The following CLCN3 variants were observed in gnomAD, a reference collection of about 807,000 sequenced individuals.
CLCN3 encodes the protein Cl-/H+ antiporter 3, also known as H(+)/Cl(-) exchange transporter 3.
CLCN3 carries 16 observed loss-of-function variants against 83.4 expected under a neutral mutation model. The observed-to-expected ratio is 0.19, with a 90% CI of 0.13 to 0.29. The LOEUF (loss-of-function observed/expected upper bound fraction) is 0.29, where lower values mean the gene tolerates loss of function less well. Among genes scored for constraint, CLCN3 ranks in the 10% least tolerant of loss-of-function variants. The pLI, the probability that CLCN3 is intolerant of heterozygous loss-of-function variation, is 1.00. For synonymous variants in CLCN3, 322 were observed against 346.2 expected, an observed-to-expected ratio of 0.93 and a Z score of 0.78; for missense variants, 544 against 1,006.0, an observed-to-expected ratio of 0.54 and a Z score of 6.21.
chr4:169,676,613 G>A (rs1254861884), intron 2 of CLCN3, among the ~76,000 whole-genome samples: 1 of 149,608 alleles, frequency 6.7e-6, no homozygotes, highest in Admixed American at 6.7e-5. Flanking sequence ...AGCCTACTGA[G>A]TAGCTGGGAC....
rs1367110004 is a variant in CLCN3 at position 169,720,140 on chromosome 4, C to T, written c.*143C>T. 2 of 1,273,930 alleles carry T rather than the reference C, an allele frequency of 1.6e-6. No homozygotes were observed. Among genetic ancestry groups the T allele is most frequent in the East Asian group, 2.4e-5 (1 of 41,822 alleles). 78.9% of individuals were successfully genotyped at this position (1,273,930 alleles called of 1,614,324 possible). A position where few individuals can be genotyped will look rare whatever the true frequency, so the allele number is the denominator to read the frequency against. ...AAATATAAAAGCCGGGTTTTTGCAA[C>T]ATGGTTTGCAAATAATGCTGGTGGA... On this transcript the variant is annotated 3_prime_UTR_variant, in exon 13 of 13. Coordinates refer to ENST00000513761, the MANE Select transcript of CLCN3 (RefSeq NM_001829.4).
chr4:169,696,900 A>G (rs1207687158), intron 8 of CLCN3, among the ~76,000 whole-genome samples: 3 of 151,762 alleles, frequency 2.0e-5, no homozygotes, highest in South Asian at 4.1e-4. Context: ...TTTAACTACC[A>G]TGATTGAATT....
chr4:169,663,309 G>GTTT (rs201008427), intron 2 of CLCN3, among the ~76,000 whole-genome samples: 2 of 39,870 alleles, frequency 5.0e-5, no homozygotes, highest in African/African-American at 1.1e-4. Flanking sequence ...TCCTAAGTGG[G>GTTT]TTTTTTTGTT....
chr4:169,641,480 T>G (rs1730411427), intron 2 of CLCN3, among the ~76,000 whole-genome samples: 4 of 152,194 alleles, frequency 2.6e-5, no homozygotes, highest in Non-Finnish European at 5.9e-5. Flanking sequence ...GGTCAAGGTG[T>G]TGTGATCCTA....
At chr4:169,706,756 C>G in intron 10 of CLCN3, 112 bp from the exon 11 acceptor site, 2 of 808,238 alleles carry the variant, frequency 2.5e-6, no homozygotes, top group Non-Finnish European at 4.0e-6. Flanking sequence ...ATGCTTTTCC[C>G]TGACTGAGTT....
At chr4:169,650,883 G>T (rs1730712375) in intron 2 of CLCN3, among the ~76,000 whole-genome samples, 1 of 152,118 alleles carries the variant, frequency 6.6e-6, no homozygotes, top group African/African-American at 2.4e-5. Flanking sequence ...GCCCAAATTT[G>T]TGCGTTTATA....
chr4:169,713,421 A>G (rs1032392257), intron 12 of CLCN3, 126 bp downstream of exon 12: 2 of 664,308 alleles, frequency 3.0e-6, no homozygotes, highest in South Asian at 3.7e-5. Flanking sequence ...CCTATGGTAT[A>G]GTCACAAATA....
chr4:169,686,061 A>G (rs1453249131), intron 3 of CLCN3, among the ~76,000 whole-genome samples: 1 of 152,096 alleles, frequency 6.6e-6, no homozygotes, highest in Non-Finnish European at 1.5e-5. Flanking sequence ...TTCTCAGCAA[A>G]CTGTCGCAAG....
chr4:169,699,299 T>G (rs1013660090), intron 9 of CLCN3, among the ~76,000 whole-genome samples: 1 of 152,206 alleles, frequency 6.6e-6, no homozygotes, highest in African/African-American at 2.4e-5. Context: ...TCTTTTGGAT[T>G]TATAAAATAA....
intron 1 of CLCN3, among the ~76,000 whole-genome samples, chr4:169,631,920 G>A (rs1035392960): frequency 6.6e-6 from 1 of 151,938 alleles, no homozygotes; most frequent in African/African-American, 2.4e-5. Flanking sequence ...AAATGGAATC[G>A]GTAATAAAAA....
chr4:169,679,225 G>A (rs1219709001), intron 2 of CLCN3, among the ~76,000 whole-genome samples: 1 of 151,364 alleles, frequency 6.6e-6, no homozygotes, highest in East Asian at 2.0e-4. Context: ...GGGGCAGCCG[G>A]GCAGAGGCGC....
At chr4:169,671,819 G>T (rs1731468651) in intron 2 of CLCN3, among the ~76,000 whole-genome samples, 1 of 152,092 alleles carries the variant, frequency 6.6e-6, no homozygotes, top group Admixed American at 6.6e-5. Context: ...TTTCCTGGAG[G>T]TGTTCCACTA....
intron 2 of CLCN3, among the ~76,000 whole-genome samples, chr4:169,672,473 G>A (rs1171176540): frequency 6.6e-6 from 1 of 151,706 alleles, no homozygotes; most frequent in Non-Finnish European, 1.5e-5. Flanking sequence ...AAGAGGAGAT[G>A]TACTTTATGT....
chr4:169,681,067 G>C (rs1447783920), intron 3 of CLCN3, among the ~76,000 whole-genome samples: 3 of 151,964 alleles, frequency 2.0e-5, no homozygotes, highest in African/African-American at 7.3e-5. Context: ...TGGAGGTCGG[G>C]GGACCGTCGC....
At position 169,722,321 on chromosome 4, in the gene CLCN3, A is replaced by G. The variant is rs1251646594; in HGVS notation, c.*2324A>G. 1 of 152,266 alleles carries G rather than the reference A, an allele frequency of 6.6e-6. No individual in the cohort carries two copies. The highest frequency in any genetic ancestry group is 2.4e-5 in the African/African-American group (1 of 41,480). 9.4% of individuals were successfully genotyped at this position (152,266 alleles called of 1,614,324 possible). On this transcript the variant is annotated 3_prime_UTR_variant, in exon 13 of 13. Coordinates refer to ENST00000513761, the MANE Select transcript of CLCN3 (RefSeq NM_001829.4). ...TTTGGGAAACATTCTTAGCTGTGCT[A>G]TCTGCCTAAAATTATTCCTTATTAC...
intron 1 of CLCN3, among the ~76,000 whole-genome samples, chr4:169,629,361 C>T (rs894472567): frequency 1.3e-5 from 2 of 151,986 alleles, no homozygotes; most frequent in Non-Finnish European, 2.9e-5. Context: ...AATTGAACAT[C>T]TACTGTGACA....
intron 2 of CLCN3, among the ~76,000 whole-genome samples, chr4:169,671,382 G>T (rs1176475937): frequency 2.6e-5 from 4 of 152,278 alleles, no homozygotes; most frequent in Non-Finnish European, 5.9e-5. Context: ...TCACTTATAA[G>T]TGGGAGTTGA....
chr4:169,719,617 T>G (rs970345423), intron 12 of CLCN3, among the ~76,000 whole-genome samples: 10 of 152,098 alleles, frequency 6.6e-5, no homozygotes, highest in Non-Finnish European at 1.2e-4. Flanking sequence ...TTTTGTTACT[T>G]TTTTGTTGGC....
chr4:169,676,374 T>C (rs1476987162), intron 2 of CLCN3, among the ~76,000 whole-genome samples: 5 of 152,236 alleles, frequency 3.3e-5, no homozygotes, highest in Admixed American at 2.6e-4. Flanking sequence ...AGAACCCTTA[T>C]ATTTTGATAG....
Sources: allele counts gnomAD v4.1 joint callset (sites outside exome capture counted in the v4.1 genomes callset), GRCh38; gene constraint gnomAD v4.1.1; transcripts MANE v1.5; gene names NCBI Gene and HGNC (gene_info 2026-07-23, HGNC 2026-07-21).